SPOCK1: variants seen among roughly 807,000 people sequenced by gnomAD.
SPOCK1 encodes the protein testican-1.
SPOCK1 carries 23 observed loss-of-function variants against 55.3 expected under a neutral mutation model. The observed-to-expected ratio is 0.42, with a 90% CI of 0.30 to 0.59. The LOEUF (loss-of-function observed/expected upper bound fraction) is 0.59, where lower values mean the gene tolerates loss of function less well. Among genes scored for constraint, SPOCK1 ranks in the 20% least tolerant of loss-of-function variants. SPOCK1 has a pLI of 0.22. For synonymous variants in SPOCK1, 226 were observed against 221.0 expected (o/e 1.02, Z -0.20); for missense variants, 499 against 552.5 (o/e 0.90, Z 0.97).
At chr5:137,158,368 C>A (rs1292779968) in intron 3 of SPOCK1, among the ~76,000 whole-genome samples, 5 of 152,180 alleles carry the variant, frequency 3.3e-5, no homozygotes, top group Admixed American at 6.5e-5. Context: ...CTTTGGATAA[C>A]CTTCCTGTGA....
intron 3 of SPOCK1, among the ~76,000 whole-genome samples, chr5:137,160,533 AATATATAATATATATAATATATATT>A (rs1330455822): frequency 1.1e-4 from 6 of 56,918 alleles, no homozygotes; most frequent in Non-Finnish European, 1.9e-4. Flanking sequence ...AATATATAAA[AATATATAATATATATAATATATATT>A]ATATATTATA....
chr5:137,295,364 G>A (rs923573804), intron 2 of SPOCK1, among the ~76,000 whole-genome samples: 4 of 152,072 alleles, frequency 2.6e-5, no homozygotes, highest in Admixed American at 1.3e-4. Flanking sequence ...TACCCTACTT[G>A]CCACTGTTCC....
chr5:137,088,399 A>G (rs540891080), intron 5 of SPOCK1, among the ~76,000 whole-genome samples: 35 of 152,370 alleles, frequency 2.3e-4, no homozygotes, highest in African/African-American at 7.5e-4. Context: ...CATACTTGAA[A>G]GACGAACGAT....
chr5:137,305,416 C>T (rs1383385049), intron 2 of SPOCK1, among the ~76,000 whole-genome samples: 3 of 152,166 alleles, frequency 2.0e-5, no homozygotes, highest in African/African-American at 7.2e-5. Context: ...TCTGTAAAGA[C>T]CTCATTTCCA....
Position 137,104,611 on chromosome 5 carries a change from G to A in SPOCK1, c.474+7824C>T, listed in dbSNP as rs564183523. ...AAGCGAGCATTACTGCCTGAGCTCC[G>A]CTTCGTGTCACATCAGCGGTGGCAT... is the stretch of plus-strand genomic sequence containing the variant. On this transcript the variant is annotated intron_variant, in intron 5 of 10. Coordinates refer to ENST00000394945, the MANE Select transcript of SPOCK1 (RefSeq NM_004598.4). 2.7e-3 allele frequency among the ~76,000 whole-genome samples: 416 copies of A among 152,214 alleles called. 4 individuals carry two copies. Among genetic ancestry groups the A allele is most frequent in the Admixed American group, 2.8e-3 (43 of 15,284 alleles).
At chr5:136,983,714 G>GTTGA (rs1359919560) in intron 9 of SPOCK1, among the ~76,000 whole-genome samples, 1 of 151,806 alleles carries the variant, frequency 6.6e-6, no homozygotes, top group African/African-American at 2.4e-5. Flanking sequence ...ATAATAATTT[G>GTTGA]TTGATTGTTT....
chr5:137,237,629 G>C (rs1182869595), intron 3 of SPOCK1, among the ~76,000 whole-genome samples: 3 of 152,222 alleles, frequency 2.0e-5, no homozygotes, highest in African/African-American at 7.2e-5. Flanking sequence ...TTTCTGGAAA[G>C]AAGAAAGAAT....
intron 2 of SPOCK1, among the ~76,000 whole-genome samples, chr5:137,385,449 A>T (rs1210765733): frequency 6.6e-6 from 1 of 152,188 alleles, no homozygotes; most frequent in Non-Finnish European, 1.5e-5. Context: ...TGTTAAACAC[A>T]CTTCAGACTT....
intron 3 of SPOCK1, among the ~76,000 whole-genome samples, chr5:137,190,351 C>A (rs928899685): frequency 7.2e-5 from 11 of 152,128 alleles, no homozygotes; most frequent in Admixed American, 2.0e-4. Flanking sequence ...CATTTAGCAA[C>A]CACCAATCTG....
At chr5:137,246,633 C>T (rs1306408397) in intron 3 of SPOCK1, among the ~76,000 whole-genome samples, 1 of 152,160 alleles carries the variant, frequency 6.6e-6, no homozygotes, top group African/African-American at 2.4e-5. Context: ...AATTTGATGG[C>T]CCTGACAGGG....
chr5:137,065,227 C>CA (rs10697469), intron 6 of SPOCK1, among the ~76,000 whole-genome samples: 2,869 of 116,120 alleles, frequency 0.025, 158 homozygotes, highest in African/African-American at 0.063. Flanking sequence ...GATTTCATCT[C>CA]AAAAAAAAAA....
At chr5:137,449,886 C>CAAAAAAAAAAAAA (rs562723108) in intron 2 of SPOCK1, among the ~76,000 whole-genome samples, 9 of 52,900 alleles carry the variant, frequency 1.7e-4, no homozygotes, top group African/African-American at 4.0e-4. Flanking sequence ...GATGCTGTCT[C>CAAAAAAAAAAAAA]AAAAAAAAAA....
chr5:137,459,940 C>T (rs1276163189), intron 2 of SPOCK1, among the ~76,000 whole-genome samples: 3 of 152,058 alleles, frequency 2.0e-5, no homozygotes. Flanking sequence ...GGAGAAGGGG[C>T]TTGGCATGTA....
intron 2 of SPOCK1, among the ~76,000 whole-genome samples, chr5:137,462,305 C>T (rs1380095294): frequency 6.6e-6 from 1 of 152,214 alleles, no homozygotes. Context: ...ACCACATCTG[C>T]TTTTCCTCTG....
intron 5 of SPOCK1, among the ~76,000 whole-genome samples, chr5:137,106,693 G>C (rs898537295): frequency 3.9e-5 from 6 of 152,036 alleles, no homozygotes; most frequent in Non-Finnish European, 7.4e-5. Flanking sequence ...CAGTCACCCT[G>C]CCTCCAATCC....
At chr5:137,197,760 T>C (rs1475607026) in intron 3 of SPOCK1, among the ~76,000 whole-genome samples, 8 of 152,216 alleles carry the variant, frequency 5.3e-5, no homozygotes, top group African/African-American at 1.9e-4. Context: ...TGTTTGACCA[T>C]GGGCAAGTTA....
intron 2 of SPOCK1, among the ~76,000 whole-genome samples, chr5:137,425,852 G>A (rs1752596887): frequency 6.7e-6 from 1 of 150,232 alleles, no homozygotes; most frequent in Non-Finnish European, 1.5e-5. Flanking sequence ...TTATTAAGAT[G>A]TTTAAAAAGA....
In SPOCK1 at chr5:137,427,629, G is replaced by A. The variant is rs75735325; in HGVS notation, c.186+70744C>T. Among the ~76,000 whole-genome samples, 92 of 152,298 alleles carry A rather than the reference G, an allele frequency of 6.0e-4. No homozygotes were observed. The East Asian group carries it at 0.018, about 29-fold the overall frequency. Reference sequence around the variant, plus strand: ...GTCTTACCGTAAAAGGCAGTAACTGGCTGGGCACGATGGCTCACACCTGTA... The same window carrying A: ...GTCTTACCGTAAAAGGCAGTAACTGACTGGGCACGATGGCTCACACCTGTA... On this transcript the variant is annotated intron_variant, in intron 2 of 10. Coordinates refer to ENST00000394945, the MANE Select transcript of SPOCK1 (RefSeq NM_004598.4).
chr5:137,198,738 G>A (rs1755352481), intron 3 of SPOCK1, among the ~76,000 whole-genome samples: 1 of 152,052 alleles, frequency 6.6e-6, no homozygotes, highest in Admixed American at 6.6e-5. Flanking sequence ...CGTGTTGTTT[G>A]ATTTTTGACA....
Sources: allele counts gnomAD v4.1 joint callset (sites outside exome capture counted in the v4.1 genomes callset), GRCh38; gene constraint gnomAD v4.1.1; transcripts MANE v1.5; gene names NCBI Gene and HGNC (gene_info 2026-07-23, HGNC 2026-07-21).